The following PCDHGA3 variants were observed in gnomAD, a reference collection of about 807,000 sequenced individuals.
PCDHGA3 encodes protocadherin gamma-A3.
In PCDHGA3, 40 loss-of-function variants were observed where a neutral mutation model predicts 58.5. The ratio of observed to expected loss-of-function variants is 0.68; its 90% CI spans 0.53 to 0.89. The LOEUF (loss-of-function observed/expected upper bound fraction) is 0.89. Among genes scored for constraint, PCDHGA3 ranks in the 40% least tolerant of loss-of-function variants. The probability of loss-of-function intolerance (pLI) is 0.00; values close to 1 mark genes in which losing one functional copy is unlikely to be tolerated. For synonymous variants in PCDHGA3, 530 were observed against 525.7 expected (o/e 1.01, Z -0.11); for missense variants, 1,223 against 1,195.9 (o/e 1.02, Z -0.33).
chr5:141,400,302 T>C (rs7701363), intron 1 of PCDHGA3: 17,655 of 1,614,082 alleles, frequency 0.011, 144 homozygotes, highest in Admixed American at 0.034. Flanking sequence ...GCTTCCAACC[T>C]GGTCTCTGTG....
At chr5:141,392,694 CCT>C in intron 1 of PCDHGA3, 4 of 1,186,390 alleles carry the variant, frequency 3.4e-6, no homozygotes, top group Non-Finnish European at 4.6e-6. Flanking sequence ...AAACCCGACC[CCT>C]GTTTGGAGGC....
intron 2 of PCDHGA3, among the ~76,000 whole-genome samples, chr5:141,495,644 A>G (rs767670166): frequency 5.3e-5 from 8 of 151,770 alleles, no homozygotes; most frequent in Non-Finnish European, 1.0e-4. Context: ...TCATTTGTCT[A>G]CTTGCATTGA....
At chr5:141,478,505 T>C (rs1298083274) in intron 1 of PCDHGA3, 3 of 1,612,032 alleles carry the variant, frequency 1.9e-6, no homozygotes, top group Non-Finnish European at 2.5e-6. Context: ...TCCGGTGTTC[T>C]ATAGGCAGGT....
chr5:141,390,358 G>T, intron 1 of PCDHGA3: 1 of 1,540,914 alleles, frequency 6.5e-7, no homozygotes, highest in East Asian at 2.2e-5. Context: ...ATACATATTT[G>T]CAGGAAAATA....
At chr5:141,414,059 A>C (rs1008514691) in intron 1 of PCDHGA3, 1 of 1,609,440 alleles carries the variant, frequency 6.2e-7, no homozygotes, top group East Asian at 2.2e-5. Flanking sequence ...CAATTGTTGA[A>C]GTTCCAACTA....
intron 1 of PCDHGA3, among the ~76,000 whole-genome samples, chr5:141,468,788 C>T (rs2099179417): frequency 6.6e-6 from 1 of 151,926 alleles, no homozygotes; most frequent in Admixed American, 6.6e-5. Context: ...ATGGCGTGAA[C>T]CCGGGAGGCG....
In PCDHGA3 at chr5:141,489,645, C is replaced by T; in HGVS notation, c.2425-5162C>T. 1.2e-6 allele frequency: 2 copies of T among 1,614,156 alleles called. No homozygotes were observed. The highest frequency in any genetic ancestry group is 2.7e-5 in the African/African-American group (2 of 75,022). On this transcript the variant is annotated intron_variant, in intron 1 of 3. Transcript: ENST00000253812. This position sits in a 1 kb window ranked among gnomAD's most constrained non-coding sequence, Gnocchi z 4.5. ...ATGACAACTCTCCTAGCTTTGCCAC[C>T]CCTGAGCGAGAGATGCGCATCTCAG...
At chr5:141,475,832 T>G in intron 1 of PCDHGA3, 1 of 410,610 alleles carries the variant, frequency 2.4e-6, no homozygotes, top group Non-Finnish European at 4.4e-6. Flanking sequence ...CTAGCGCGTG[T>G]CCTGCTCAGA....
intron 1 of PCDHGA3, chr5:141,373,964 C>A: frequency 1.0e-6 from 1 of 955,768 alleles, no homozygotes; most frequent in Non-Finnish European, 1.5e-6. Flanking sequence ...TGACCTGAAA[C>A]GCTTCGCATC....
chr5:141,386,566 T>C (rs577943993), intron 1 of PCDHGA3, among the ~76,000 whole-genome samples: 30 of 152,200 alleles, frequency 2.0e-4, no homozygotes, highest in African/African-American at 7.2e-4. Flanking sequence ...TTGCACATGA[T>C]AGACTCTGTA....
intron 1 of PCDHGA3, chr5:141,417,858 C>A (rs561149517): frequency 1.3e-6 from 2 of 1,547,240 alleles, no homozygotes; most frequent in African/African-American, 1.4e-5. Context: ...CCCGAGCGAA[C>A]GATGGGAGGG....
chr5:141,394,419 G>A, intron 1 of PCDHGA3: 1 of 1,614,224 alleles, frequency 6.2e-7, no homozygotes, highest in Non-Finnish European at 8.5e-7. Context: ...AACAGCCAGC[G>A]ACAGCGGGGA....
chr5:141,474,563 A>G lies in PCDHGA3; in HGVS notation c.2425-20244A>G, dbSNP rs143794984. 1.4e-3 allele frequency among the ~76,000 whole-genome samples: 210 copies of G among 152,332 alleles called. 2 individuals are homozygous for G. The highest frequency in any genetic ancestry group is 5.0e-3 in the African/African-American group (207 of 41,572). ...TGAGCATTTAAAACTGGGGGTTTTC[A>G]GAGATTAATTGAAGTGTTAAAGACA... On this transcript the variant is annotated intron_variant, in intron 1 of 3. Coordinates refer to ENST00000253812, the MANE Select transcript of PCDHGA3 (RefSeq NM_018916.4).
chr5:141,511,560 T>C lies in PCDHGA3; in HGVS notation c.*387T>C. ...CCACCCCACTCCAACAGTTCCTCTT[T>C]CCCGAGTAAGGTGGTTGGGGTGTTG... On this transcript the variant is annotated 3_prime_UTR_variant, in exon 4 of 4. Coordinates refer to ENST00000253812, the MANE Select transcript of PCDHGA3 (RefSeq NM_018916.4). The C allele has an allele frequency of 3.3e-6, 1 of 298,990 alleles. No homozygotes were observed. The highest frequency in any genetic ancestry group is 3.7e-5 in the South Asian group (1 of 27,250). The allele number at this position is 298,990 out of a possible 1,614,324, so 18.5% of individuals were successfully genotyped here.
intron 1 of PCDHGA3, chr5:141,357,751 C>A: frequency 8.8e-7 from 1 of 1,131,678 alleles, no homozygotes; most frequent in Non-Finnish European, 1.2e-6. Context: ...TTAAAGAAAA[C>A]TGGTGGATGA....
At position 141,491,566 on chromosome 5, in the gene PCDHGA3, A is replaced by G; in HGVS notation, c.2425-3241A>G. Reference sequence around the variant, plus strand: ...AGACTCGCAGAGCCACTGCTACAGGACGTGCTTTTCACCGGCCTCGGACGG... The same window carrying G: ...AGACTCGCAGAGCCACTGCTACAGGGCGTGCTTTTCACCGGCCTCGGACGG... On this transcript the variant is annotated intron_variant, in intron 1 of 3. Transcript: ENST00000253812. This position sits in a 1 kb window ranked among gnomAD's most constrained non-coding sequence, Gnocchi z 6.9. 1 of 1,613,950 alleles carries G rather than the reference A, an allele frequency of 6.2e-7. No individual in the cohort carries two copies.
At chr5:141,501,997 C>A (rs2099812238) in intron 2 of PCDHGA3, among the ~76,000 whole-genome samples, 1 of 152,128 alleles carries the variant, frequency 6.6e-6, no homozygotes, top group Non-Finnish European at 1.5e-5. Context: ...GTCTCCCTGA[C>A]AACCCGCATG....
At chr5:141,381,785 G>T (rs1349926565) in intron 1 of PCDHGA3, among the ~76,000 whole-genome samples, 1 of 149,782 alleles carries the variant, frequency 6.7e-6, no homozygotes, top group Non-Finnish European at 1.5e-5. Context: ...CAGGAACAAG[G>T]CAAGGCAATT....
intron 1 of PCDHGA3, chr5:141,421,909 C>T: frequency 1.9e-6 from 3 of 1,613,710 alleles, no homozygotes; most frequent in Non-Finnish European, 2.5e-6. Context: ...GGGCGCAGTT[C>T]CCATTCGTGT....
Sources: gnomAD v4.1 joint callset for allele counts (sites outside exome capture counted in the v4.1 genomes callset) on GRCh38, gnomAD v4.1.1 for gene constraint, Gnocchi (gnomAD v3.1) non-coding constraint, MANE v1.5 for transcripts, NCBI Gene and HGNC (gene_info 2026-07-23, HGNC 2026-07-21) for gene names.